PRPF19: variants seen among roughly 807,000 people sequenced by gnomAD.
The protein encoded by PRPF19 is pre-mRNA processing factor 19.
In PRPF19, 2 loss-of-function variants were observed where a neutral mutation model predicts 64.2. That is an observed-to-expected ratio of 0.03 (90% CI 0.01 to 0.10). The LOEUF is 0.10. Among genes scored for constraint, PRPF19 ranks in the 10% least tolerant of loss-of-function variants. The pLI, the probability that PRPF19 is intolerant of heterozygous loss-of-function variation, is 1.00. For synonymous variants in PRPF19, 226 were observed against 251.6 expected (o/e 0.90, Z 0.96); for missense variants, 314 against 650.0 (o/e 0.48, Z 5.62).
intron 15 of PRPF19, among the ~76,000 whole-genome samples, chr11:60,892,985 C>CCTT (rs987189503): frequency 6.6e-6 from 1 of 152,056 alleles, no homozygotes; most frequent in African/African-American, 2.4e-5. Context: ...GCCCCTACTC[C>CCTT]CTTCTGCAGT....
chr11:60,890,629 T>C lies in PRPF19; in HGVS notation c.*537A>G, dbSNP rs1047971215. The C allele has an allele frequency of 2.8e-6, 1 of 358,500 alleles. No individual in the cohort carries two copies. The highest frequency in any genetic ancestry group is 2.2e-5 in the African/African-American group (1 of 46,198). The allele number at this position is 358,500 out of a possible 1,614,324, so 22.2% of individuals were successfully genotyped here. On this transcript the variant is annotated 3_prime_UTR_variant, in exon 16 of 16. Transcript: ENST00000227524. ...TAAGAGCTGTGAAAGGAAAGGAAGA[T>C]GGGCTTCCCGGAAGCCAGTGTCCCA...
chr11:60,906,520 A>C lies in PRPF19; in HGVS notation c.-138T>G, dbSNP rs1215777812. On this transcript the variant is annotated 5_prime_UTR_variant, in exon 1 of 16. Coordinates refer to ENST00000227524, the MANE Select transcript of PRPF19 (RefSeq NM_014502.5). ...TGGGAGCCGCCAGCCGAGCGATGCT[A>C]GCGTAGCGCTTCACGTGGGAATGGG... 1 of 901,824 alleles carries C rather than the reference A, an allele frequency of 1.1e-6. No individual in the cohort carries two copies. Among genetic ancestry groups the C allele is most frequent in the Non-Finnish European group, 1.7e-6 (1 of 605,528 alleles). 55.9% of individuals were successfully genotyped at this position (901,824 alleles called of 1,614,324 possible). A position where few individuals can be genotyped will look rare whatever the true frequency, so the allele number is the denominator to read the frequency against.
Position 60,898,322 on chromosome 11 carries a change from A to G in PRPF19, c.1141-51T>C, listed in dbSNP as rs1211752360. 50 of 1,590,758 alleles carry G rather than the reference A, an allele frequency of 3.1e-5. No individual in the cohort carries two copies. The Admixed American group carries it at 8.3e-4, about 26-fold the overall frequency. On this transcript the variant is annotated intron_variant, in intron 13 of 15. Transcript: ENST00000227524. This position sits in a 1 kb window ranked among gnomAD's most constrained non-coding sequence, Gnocchi z 4.6. ...ACGTCACCCACAGATCATGAGAGGA[A>G]GAAAATGGGGCTCACCAAACTCCTA... is the stretch of plus-strand genomic sequence containing the variant.
chr11:60,899,002 GAC>G (rs1855951850), intron 11 of PRPF19, 71 bp from the exon 12 acceptor site: 1 of 1,512,584 alleles, frequency 6.6e-7, no homozygotes, highest in Middle Eastern at 1.7e-4. Context: ...CCTTCAGCAA[GAC>G]AGAGCCCCTG....
At chr11:60,905,995 T>C (rs955032549) in intron 1 of PRPF19, among the ~76,000 whole-genome samples, 13 of 152,186 alleles carry the variant, frequency 8.5e-5, no homozygotes, top group Non-Finnish European at 7.4e-5. Context: ...CCCAGAGCCT[T>C]GAGCCAATTC....
rs372486261 is a variant in PRPF19 at position 60,894,303 on chromosome 11, G to A, written c.1418-3040C>T. Among the ~76,000 whole-genome samples the A allele has an allele frequency of 1.5e-4, 23 of 152,318 alleles. No homozygotes were observed. The East Asian group carries it at 2.7e-3, about 18-fold the overall frequency. Reference sequence around the variant, plus strand: ...ACTGGAATCAATCCTCTCAAATTCTGCACCTGCTTTATCAATTAAGTTTAT... The same window carrying A: ...ACTGGAATCAATCCTCTCAAATTCTACACCTGCTTTATCAATTAAGTTTAT... On this transcript the variant is annotated intron_variant, in intron 15 of 15. Coordinates refer to ENST00000227524, the MANE Select transcript of PRPF19 (RefSeq NM_014502.5).
In PRPF19 at chr11:60,902,768, G is replaced by C; in HGVS notation, c.360C>G (p.Leu120=). 1.2e-6 allele frequency: 2 copies of C among 1,614,222 alleles called. No individual in the cohort carries two copies. Among genetic ancestry groups the C allele is most frequent in the Non-Finnish European group, 1.7e-6 (2 of 1,180,036 alleles). ...CTCGGGCAGCAGTGACTTCCTTGGTGAGACGGGCAATGACACGGCAGGCGG... is the reference window on the plus strand; with the variant it reads ...CTCGGGCAGCAGTGACTTCCTTGGTCAGACGGGCAATGACACGGCAGGCGG... ...HDAACRVIAR[L]TKEVTAAREA... Residue 120 remains leucine, a synonymous_variant, in exon 4 of 16, where the codon CTC becomes CTG. Transcript: ENST00000227524. The surrounding 1 kb of genome is among the most constrained non-coding windows in gnomAD (Gnocchi z 5.0).
rs1317802190 is a variant in PRPF19, at chr11:60,898,847, T to C, written c.1054+15A>G. The C allele has an allele frequency of 6.3e-7, 1 of 1,586,008 alleles. No homozygotes were observed. Among genetic ancestry groups the C allele is most frequent in the Non-Finnish European group, 8.6e-7 (1 of 1,165,106 alleles). ...ACAGCAAACAAAAAAGCTGAGTGCCTATGAGGCAACTTACAGCAGCCGGAG... is the reference window on the plus strand; with the variant it reads ...ACAGCAAACAAAAAAGCTGAGTGCCCATGAGGCAACTTACAGCAGCCGGAG... On this transcript the variant is annotated intron_variant, in intron 12 of 15. Transcript: ENST00000227524. The surrounding 1 kb of genome is among the most constrained non-coding windows in gnomAD (Gnocchi z 4.6).
At chr11:60,895,919 G>C (rs1041695691) in intron 15 of PRPF19, among the ~76,000 whole-genome samples, 3 of 152,012 alleles carry the variant, frequency 2.0e-5, no homozygotes, top group Non-Finnish European at 4.4e-5. Flanking sequence ...AACTTTTATG[G>C]GCACATTTCA....
chr11:60,902,631 A>G lies in PRPF19; in HGVS notation c.414T>C (p.Ala138=). Residue 138 remains alanine, a synonymous_variant, in exon 5 of 16, where the codon GCT becomes GCC. Transcript: ENST00000227524. The surrounding 1 kb of genome is among the most constrained non-coding windows in gnomAD (Gnocchi z 5.0). The part of the protein sequence containing the change: ...REALATLKPQ[A]GLIVPQAVPS... The stretch of plus-strand genomic sequence containing the variant: ...GCACAGCCTGGGGCACAATGAGGCC[A>G]GCCTGTGGTTTCAGGGTAGCCAGAG... 6.2e-7 allele frequency: 1 copy of G among 1,614,228 alleles called. No homozygotes were observed.
Position 60,902,272 on chromosome 11 carries a change from C to A in PRPF19, c.525+131G>T. ...GCATCAAAATACAAACCCAGGCAAT[C>A]TGGTCCCAGGGTCCATGCTCTGCAC... is the stretch of plus-strand genomic sequence containing the variant. On this transcript the variant is annotated intron_variant, in intron 6 of 15. Coordinates refer to ENST00000227524, the MANE Select transcript of PRPF19 (RefSeq NM_014502.5). The surrounding 1 kb of genome is among the most constrained non-coding windows in gnomAD (Gnocchi z 5.0). The A allele has an allele frequency of 9.8e-7, 1 of 1,016,702 alleles. No individual in the cohort carries two copies. Among genetic ancestry groups the A allele is most frequent in the Non-Finnish European group, 1.5e-6 (1 of 683,082 alleles). The allele number at this position is 1,016,702 out of a possible 1,614,324, so 63.0% of individuals were successfully genotyped here. A position where few individuals can be genotyped will look rare whatever the true frequency, so the allele number is the denominator to read the frequency against.
intron 15 of PRPF19, among the ~76,000 whole-genome samples, chr11:60,896,638 G>C (rs909020051): frequency 1.3e-5 from 2 of 152,136 alleles, no homozygotes; most frequent in African/African-American, 4.8e-5. Flanking sequence ...TGCTATGACT[G>C]TAAGTTTCCT....
intron 8 of PRPF19, 142 bp from the exon 9 acceptor site, chr11:60,901,071 G>T (rs1448700627): frequency 1.9e-6 from 2 of 1,055,060 alleles, no homozygotes; most frequent in African/African-American, 1.6e-5. Context: ...ATACCTCTTG[G>T]CTATCTGCCT....
rs1856049686 is a variant in PRPF19, at chr11:60,906,456, C to T, written c.-74G>A. ...GCTTCTGAGCCTCCGCGAGCCACTT[C>T]CGGTCCCCCGCTGCTGCCGGGACTG... On this transcript the variant is annotated 5_prime_UTR_variant, in exon 1 of 16. Coordinates refer to ENST00000227524, the MANE Select transcript of PRPF19 (RefSeq NM_014502.5). 1.2e-5 allele frequency: 17 copies of T among 1,476,370 alleles called. No homozygotes were observed. In the East Asian group the frequency reaches 3.7e-4, roughly 32 times the overall value. The allele number at this position is 1,476,370 out of a possible 1,614,324, so 91.5% of individuals were successfully genotyped here.
intron 9 of PRPF19, 78 bp downstream of exon 9, chr11:60,900,776 A>G: frequency 6.3e-7 from 1 of 1,593,672 alleles, no homozygotes; most frequent in Non-Finnish European, 8.6e-7. Context: ...TCCCATGCCC[A>G]TGAAGAGGAC....
chr11:60,905,650 G>A (rs1227095709), intron 1 of PRPF19, among the ~76,000 whole-genome samples: 1 of 152,224 alleles, frequency 6.6e-6, no homozygotes, highest in African/African-American at 2.4e-5. Flanking sequence ...CCACTGACTA[G>A]CTACGCATCC....
Position 60,906,571 on chromosome 11 carries a change from C to G in PRPF19, c.-189G>C, listed in dbSNP as rs1451692801. 1.8e-6 allele frequency: 1 copy of G among 558,960 alleles called. No homozygotes were observed. Among genetic ancestry groups the G allele is most frequent in the Non-Finnish European group, 3.1e-6 (1 of 324,500 alleles). 34.6% of individuals were successfully genotyped at this position (558,960 alleles called of 1,614,324 possible). On this transcript the variant is annotated 5_prime_UTR_variant, in exon 1 of 16. Coordinates refer to ENST00000227524, the MANE Select transcript of PRPF19 (RefSeq NM_014502.5). Reference sequence around the variant, plus strand: ...GACAGCCGCGCGCCACAGCCTTCAGCACCTAACGGAAATTGCCCTTTCCCA... The same window carrying G: ...GACAGCCGCGCGCCACAGCCTTCAGGACCTAACGGAAATTGCCCTTTCCCA...
At position 60,898,384 on chromosome 11, in the gene PRPF19, C is replaced by A; in HGVS notation, c.1141-113G>T. 1 of 1,507,458 alleles carries A rather than the reference C, an allele frequency of 6.6e-7. No homozygotes were observed. The highest frequency in any genetic ancestry group is 2.1e-5 in the Admixed American group (1 of 48,478). The allele number at this position is 1,507,458 out of a possible 1,614,324, so 93.4% of individuals were successfully genotyped here. On this transcript the variant is annotated intron_variant, in intron 13 of 15. Transcript: ENST00000227524. This position sits in a 1 kb window ranked among gnomAD's most constrained non-coding sequence, Gnocchi z 4.6. ...CCTCACGTCCTTCCAGGAAGGACAG[C>A]CAGCGGGACCCCCCAGACCACACCA...
rs1242188616 is a variant in PRPF19 at position 60,902,697 on chromosome 11, C to T, written c.389-41G>A. On this transcript the variant is annotated intron_variant, in intron 4 of 15. Transcript: ENST00000227524. This position sits in a 1 kb window ranked among gnomAD's most constrained non-coding sequence, Gnocchi z 5.0. ...ATGTTAGAAATGGGATATTACAATGCAGAACCAGCCCAGGGTGGGGGATGG... is the reference window on the plus strand; with the variant it reads ...ATGTTAGAAATGGGATATTACAATGTAGAACCAGCCCAGGGTGGGGGATGG... 1 of 1,614,168 alleles carries T rather than the reference C, an allele frequency of 6.2e-7. No individual in the cohort carries two copies. The highest frequency in any genetic ancestry group is 8.5e-7 in the Non-Finnish European group (1 of 1,180,030).
Sources: gnomAD v4.1 joint callset for allele counts (sites outside exome capture counted in the v4.1 genomes callset) on GRCh38, gnomAD v4.1.1 for gene constraint, Gnocchi (gnomAD v3.1) non-coding constraint, MANE v1.5 for transcripts, NCBI Gene and HGNC (gene_info 2026-07-23, HGNC 2026-07-21) for gene names.